Variants in CSMD1 observed in about 807,000 individuals in gnomAD.
CSMD1 encodes the protein CUB and sushi domain-containing protein 1.
Under a neutral mutation model 417.5 loss-of-function variants are expected in CSMD1, and 213 were observed. That is an observed-to-expected ratio of 0.51 (90% confidence interval 0.46 to 0.57). The LOEUF (loss-of-function observed/expected upper bound fraction) is 0.57, where lower values mean the gene tolerates loss of function less well. Among genes scored for constraint, CSMD1 ranks in the 20% least tolerant of loss-of-function variants. CSMD1 has a pLI of 0.00. For missense variants in CSMD1, 6,923 were observed against 4,529.7 expected, an observed-to-expected ratio of 1.53 and a Z score of -15.17; for synonymous variants, 2,862 against 1,736.8, an observed-to-expected ratio of 1.65 and a Z score of -16.11.
intron 3 of CSMD1, among the ~76,000 whole-genome samples, chr8:4,335,404 C>T (rs961937374): frequency 4.6e-5 from 7 of 152,078 alleles, no homozygotes; most frequent in African/African-American, 1.7e-4. Context: ...TAACATTGCA[C>T]CATCTCTTTC....
At chr8:4,310,121 T>C (rs1798478193) in intron 3 of CSMD1, among the ~76,000 whole-genome samples, 1 of 152,162 alleles carries the variant, frequency 6.6e-6, no homozygotes, top group Non-Finnish European at 1.5e-5. Flanking sequence ...CTCCCATTCA[T>C]CCCTGCTCCT....
At position 3,974,892 on chromosome 8, in the gene CSMD1, CAT is replaced by C. The variant is rs200481878; in HGVS notation, c.818+23009_818+23010del. On this transcript the variant is annotated intron_variant, in intron 5 of 69. Coordinates refer to ENST00000635120, the MANE Select transcript of CSMD1 (RefSeq NM_033225.6). ...TCATAATTTAAGAATTTAAAAATAA[CAT>C]ATATTTTTATCTACTACAATAAAAT... Among the ~76,000 whole-genome samples the C allele has an allele frequency of 3.7e-3, 567 of 152,130 alleles. 5 individuals are homozygous for C. The highest frequency in any genetic ancestry group is 0.013 in the African/African-American group (542 of 41,510).
At chr8:4,217,699 T>C (rs1333143604) in intron 3 of CSMD1, among the ~76,000 whole-genome samples, 3 of 152,154 alleles carry the variant, frequency 2.0e-5, no homozygotes, top group African/African-American at 7.2e-5. Context: ...TGTCTGAATT[T>C]AAAGTTTTAG....
intron 3 of CSMD1, among the ~76,000 whole-genome samples, chr8:4,350,124 C>G (rs769883221): frequency 6.6e-6 from 1 of 152,140 alleles, no homozygotes; most frequent in Non-Finnish European, 1.5e-5. Context: ...CAGATTCATC[C>G]CAAACTTCAG....
At chr8:4,603,958 C>T (rs556383966) in intron 2 of CSMD1, among the ~76,000 whole-genome samples, 2 of 151,998 alleles carry the variant, frequency 1.3e-5, no homozygotes, top group Admixed American at 1.3e-4. Context: ...CATCTATATA[C>T]ATTTCTAAAT....
At chr8:3,787,966 G>A (rs909179814) in intron 5 of CSMD1, among the ~76,000 whole-genome samples, 1 of 152,192 alleles carries the variant, frequency 6.6e-6, no homozygotes, top group East Asian at 1.9e-4. Context: ...GGCTCCTAAT[G>A]CTCTTGAATA....
chr8:3,611,039 A>C (rs1019556404), intron 8 of CSMD1, among the ~76,000 whole-genome samples: 8 of 133,706 alleles, frequency 6.0e-5, no homozygotes, highest in South Asian at 2.4e-4. Flanking sequence ...CAATGAGAAC[A>C]CATGGACACA....
At chr8:4,935,633 C>T (rs1807562862) in intron 1 of CSMD1, among the ~76,000 whole-genome samples, 1 of 152,176 alleles carries the variant, frequency 6.6e-6, no homozygotes, top group East Asian at 1.9e-4. Context: ...AATGTGGATT[C>T]ACTCTCTCTC....
chr8:3,662,894 G>A (rs1032245695), intron 7 of CSMD1, among the ~76,000 whole-genome samples: 9 of 152,026 alleles, frequency 5.9e-5, no homozygotes, highest in African/African-American at 1.9e-4. Flanking sequence ...TGCATGAGAG[G>A]CTTAAAACCT....
intron 23 of CSMD1, among the ~76,000 whole-genome samples, chr8:3,329,518 C>G (rs1023238404): frequency 6.6e-6 from 1 of 152,182 alleles, no homozygotes; most frequent in Non-Finnish European, 1.5e-5. Flanking sequence ...AACATCTTTT[C>G]CCCATGAGAA....
At chr8:3,012,030 T>G (rs939403547) in intron 52 of CSMD1, among the ~76,000 whole-genome samples, 2 of 152,182 alleles carry the variant, frequency 1.3e-5, no homozygotes, top group Non-Finnish European at 2.9e-5. Context: ...CACAGTACAG[T>G]TGGTAAATTA....
intron 7 of CSMD1, among the ~76,000 whole-genome samples, chr8:3,639,291 T>C (rs1469474956): frequency 6.6e-6 from 1 of 152,180 alleles, no homozygotes; most frequent in African/African-American, 2.4e-5. Flanking sequence ...TACTTTATTA[T>C]TACTATTTTT....
Position 4,462,552 on chromosome 8 carries a change from A to G in CSMD1, c.303-42487T>C, listed in dbSNP as rs1799900322. On this transcript the variant is annotated intron_variant, in intron 2 of 69. Coordinates refer to ENST00000635120, the MANE Select transcript of CSMD1 (RefSeq NM_033225.6). ...GAATACTCAAAACAATCTTTAAAAAAGAAAAATTTCAATATTCATACCTAC... is the reference window on the plus strand; with the variant it reads ...GAATACTCAAAACAATCTTTAAAAAGGAAAAATTTCAATATTCATACCTAC... Among the ~76,000 whole-genome samples, 3 of 152,290 alleles carry G rather than the reference A, an allele frequency of 2.0e-5. No homozygotes were observed. The South Asian group carries it at 6.2e-4, about 32-fold the overall frequency.
intron 27 of CSMD1, among the ~76,000 whole-genome samples, chr8:3,227,489 G>A (rs892103468): frequency 3.9e-5 from 6 of 152,128 alleles, no homozygotes; most frequent in African/African-American, 1.2e-4. Context: ...GATTTATTTT[G>A]CAACATGAGT....
At chr8:3,104,346 C>T (rs1815973001) in intron 46 of CSMD1, among the ~76,000 whole-genome samples, 1 of 152,138 alleles carries the variant, frequency 6.6e-6, no homozygotes, top group Non-Finnish European at 1.5e-5. Flanking sequence ...CTTGGATCTC[C>T]TGACTTTGCA....
At chr8:4,994,008 G>A (rs956973907) in intron 1 of CSMD1, among the ~76,000 whole-genome samples, 3 of 152,118 alleles carry the variant, frequency 2.0e-5, no homozygotes, top group African/African-American at 7.2e-5. Context: ...AGGCAACACC[G>A]CCCCGGCGGA....
intron 1 of CSMD1, among the ~76,000 whole-genome samples, chr8:4,888,335 ATTGAT>A (rs977579049): frequency 1.3e-5 from 2 of 151,392 alleles, no homozygotes; most frequent in African/African-American, 4.9e-5. Context: ...ATCATTAGTT[ATTGAT>A]TTATTATTTT....
intron 41 of CSMD1, among the ~76,000 whole-genome samples, chr8:3,126,759 A>C (rs1012218210): frequency 1.3e-5 from 2 of 152,222 alleles, no homozygotes; most frequent in Non-Finnish European, 2.9e-5. Context: ...GCACCTGCTT[A>C]TGAAGCCAAC....
At chr8:3,177,493 A>G (rs1345860409) in intron 37 of CSMD1, among the ~76,000 whole-genome samples, 3 of 152,236 alleles carry the variant, frequency 2.0e-5, no homozygotes, top group African/African-American at 7.2e-5. Context: ...ACATAAGATT[A>G]TTTGAAGGTA....
Sources: gnomAD v4.1 joint callset for allele counts (sites outside exome capture counted in the v4.1 genomes callset) on GRCh38, gnomAD v4.1.1 for gene constraint, MANE v1.5 for transcripts, NCBI Gene and HGNC (gene_info 2026-07-23, HGNC 2026-07-21) for gene names.